The following C10orf143 variants were observed in gnomAD, a reference collection of about 807,000 sequenced individuals.
The protein encoded by C10orf143 is uncharacterized protein C10orf143.
intron 3 of C10orf143, among the ~76,000 whole-genome samples, chr10:130,071,432 C>T (rs544823884): frequency 2.6e-5 from 4 of 152,276 alleles, no homozygotes; most frequent in Non-Finnish European, 4.4e-5. Context: ...TATTTATTGG[C>T]TATTTTGGGT....
intron 1 of C10orf143, among the ~76,000 whole-genome samples, chr10:130,093,540 A>G (rs1360025044): frequency 6.6e-6 from 1 of 152,212 alleles, no homozygotes; most frequent in Non-Finnish European, 1.5e-5. Context: ...AGAAGCTAGC[A>G]GAAGACAAGA....
At position 130,079,490 on chromosome 10, in the gene C10orf143, TA is replaced by T. The variant is rs925880504; in HGVS notation, c.297+75del. The T allele has an allele frequency of 7.5e-6, 3 of 398,496 alleles. No homozygotes were observed. The Admixed American group carries it at 1.3e-4, about 18-fold the overall frequency. 24.7% of individuals were successfully genotyped at this position (398,496 alleles called of 1,614,324 possible). A position where few individuals can be genotyped will look rare whatever the true frequency, so the allele number is the denominator to read the frequency against. Reference sequence around the variant, plus strand: ...TCAGAAACATAATTGCAGTTTTTATTAACTTTGTTTTATGGATCTAATATTT... The same window carrying T: ...TCAGAAACATAATTGCAGTTTTTATTACTTTGTTTTATGGATCTAATATTT... On this transcript the variant is annotated intron_variant, in intron 3 of 3. Transcript: ENST00000637128.
At chr10:130,094,828 C>T (rs999139534) in intron 1 of C10orf143, among the ~76,000 whole-genome samples, 5 of 152,114 alleles carry the variant, frequency 3.3e-5, no homozygotes, top group South Asian at 4.1e-4. Flanking sequence ...AGACAAGGAT[C>T]CCCTCCCTCA....
chr10:130,053,136 C>G (rs150791866), intron 3 of C10orf143, among the ~76,000 whole-genome samples: 4,630 of 152,312 alleles, frequency 0.03, 223 homozygotes, highest in African/African-American at 0.11. Context: ...TCTCGGCTCA[C>G]TGCAACCTCC....
chr10:130,110,783 G>T lies in C10orf143; in HGVS notation c.-11C>A. The T allele has an allele frequency of 2.5e-6, 1 of 398,976 alleles. No homozygotes were observed. The highest frequency in any genetic ancestry group is 4.4e-5 in the Admixed American group (1 of 22,740). The allele number at this position is 398,976 out of a possible 1,614,324, so 24.7% of individuals were successfully genotyped here. A position where few individuals can be genotyped will look rare whatever the true frequency, so the allele number is the denominator to read the frequency against. ...CGCTAAGCTGTCCATGCAGCCCCAG[G>T]GTCAAACCCTCCCGGCATCTCAGGC... On this transcript the variant is annotated 5_prime_UTR_variant, in exon 1 of 4. Coordinates refer to ENST00000637128, the MANE Select transcript of C10orf143 (RefSeq NM_001355042.2).
intron 3 of C10orf143, among the ~76,000 whole-genome samples, chr10:130,058,624 A>C (rs1431178202): frequency 1.3e-5 from 2 of 150,668 alleles, no homozygotes; most frequent in Non-Finnish European, 2.9e-5. Context: ...ACAGTTACAC[A>C]TAGAAACAGT....
downstream of C10orf143, among the ~76,000 whole-genome samples, chr10:130,061,305 T>A (rs931590290): frequency 1.3e-5 from 2 of 152,210 alleles, no homozygotes; most frequent in African/African-American, 4.8e-5. Context: ...ATTAAAAATT[T>A]TTTTCTTTAA....
intron 1 of C10orf143, among the ~76,000 whole-genome samples, chr10:130,097,961 TG>T (rs1861488544): frequency 6.6e-6 from 1 of 151,462 alleles, no homozygotes; most frequent in African/African-American, 2.4e-5. Context: ...GAATGAAAAC[TG>T]GGTGGTGATA....
intron 3 of C10orf143, among the ~76,000 whole-genome samples, chr10:130,073,680 G>A (rs145472122): frequency 2.0e-5 from 3 of 151,966 alleles, no homozygotes; most frequent in African/African-American, 7.2e-5. Context: ...CATCTGTGTT[G>A]GTTTTATCTA....
At chr10:130,104,101 C>G (rs1861601930) in intron 1 of C10orf143, 1 of 152,208 alleles carries the variant, frequency 6.6e-6, no homozygotes, top group Admixed American at 6.6e-5. Context: ...AAGCCGAGCA[C>G]TGGAGTTGCA....
At chr10:130,082,859 G>A (rs1016922288) in intron 1 of C10orf143, among the ~76,000 whole-genome samples, 11 of 151,992 alleles carry the variant, frequency 7.2e-5, no homozygotes, top group Admixed American at 2.0e-4. Flanking sequence ...CTCTAATCTT[G>A]GTGTAGGGAA....
At chr10:130,098,052 G>A (rs1230475108) in intron 1 of C10orf143, among the ~76,000 whole-genome samples, 4 of 152,016 alleles carry the variant, frequency 2.6e-5, no homozygotes, top group Non-Finnish European at 5.9e-5. Context: ...GCCAGGCATG[G>A]TGGCTCACAC....
At chr10:130,063,415 C>G (rs574542724), downstream of C10orf143, among the ~76,000 whole-genome samples, 25 of 152,328 alleles carry the variant, frequency 1.6e-4, no homozygotes, top group African/African-American at 5.8e-4. Flanking sequence ...TCTTTCCCGG[C>G]TTTGGTTGTT....
chr10:130,047,418 T>C (rs1822286213), intron 3 of C10orf143, among the ~76,000 whole-genome samples: 2 of 152,204 alleles, frequency 1.3e-5, no homozygotes, highest in East Asian at 1.9e-4. Context: ...AGGGTCTGTG[T>C]AAGGCACTGA....
chr10:130,076,117 C>G (rs901043138), intron 3 of C10orf143, among the ~76,000 whole-genome samples: 1 of 151,802 alleles, frequency 6.6e-6, no homozygotes, highest in Non-Finnish European at 1.5e-5. Flanking sequence ...TTCTCCCAAG[C>G]TGGAATTACA....
chr10:130,101,614 C>A (rs1861552031), intron 1 of C10orf143, among the ~76,000 whole-genome samples: 2 of 151,806 alleles, frequency 1.3e-5, no homozygotes, highest in Non-Finnish European at 2.9e-5. Context: ...TACCTGTAAT[C>A]CCAGCACTTT....
At chr10:130,098,399 T>C (rs541922453) in intron 1 of C10orf143, among the ~76,000 whole-genome samples, 1 of 152,284 alleles carries the variant, frequency 6.6e-6, no homozygotes, top group Admixed American at 6.5e-5. Context: ...TCTAAAAAGA[T>C]AGTAGCTATG....
intron 3 of C10orf143, among the ~76,000 whole-genome samples, chr10:130,040,196 C>T (rs1466049856): frequency 1.3e-5 from 2 of 152,128 alleles, no homozygotes; most frequent in East Asian, 3.9e-4. Context: ...GGGATCCATG[C>T]CCCCAGCCCC....
Position 130,058,890 on chromosome 10 carries a change from A to G in C10orf143, c.297+20676T>C, listed in dbSNP as rs556371489. Among the ~76,000 whole-genome samples the G allele has an allele frequency of 9.2e-5, 14 of 152,244 alleles. No individual in the cohort carries two copies. The South Asian group carries it at 2.5e-3, about 27-fold the overall frequency. On this transcript the variant is annotated intron_variant and NMD_transcript_variant, in intron 3 of 5. Coordinates refer to the C10orf143 transcript ENST00000643056. The stretch of plus-strand genomic sequence containing the variant: ...ATGCAGGTGTACTAGACCTGGGCAC[A>G]CATTTATTCGCTCTTCTGCATGTGT...
Sources: gnomAD v4.1 joint callset for allele counts (sites outside exome capture counted in the v4.1 genomes callset) on GRCh38, gnomAD v4.1.1 for gene constraint, MANE v1.5 for transcripts, NCBI Gene and HGNC (gene_info 2026-07-23, HGNC 2026-07-21) for gene names.